EXTL3: variants seen among roughly 807,000 people sequenced by gnomAD.
EXTL3 encodes the protein exostosin-like 3.
A neutral mutation model predicts 69.3 loss-of-function variants in EXTL3; 27 were observed. The observed-to-expected ratio is 0.39, with a 90% confidence interval of 0.29 to 0.54. EXTL3 has a LOEUF of 0.54. Ranked by LOEUF, EXTL3 falls within the 20% of genes least tolerant of loss-of-function variation. The probability of loss-of-function intolerance (pLI) is 0.69; values close to 1 mark genes in which losing one functional copy is unlikely to be tolerated. For missense variants in EXTL3, 1,003 were observed against 1,231.8 expected (o/e 0.81, Z 2.78); for synonymous variants, 511 against 499.4 (o/e 1.02, Z -0.31).
chr8:28,717,941 A>G lies in EXTL3; in HGVS notation c.1882A>G (p.Lys628Glu). Reference sequence around the variant, plus strand: ...TGACCCTGTGTTGCCCTCAGAGGCCAAATTCTTGGGCTCAGGGACTGGCTT... The same window carrying G: ...TGACCCTGTGTTGCCCTCAGAGGCCGAATTCTTGGGCTCAGGGACTGGCTT... Reference protein sequence around the residue: ...PFDPVLPSEAKFLGSGTGFRP... With the variant: ...PFDPVLPSEAEFLGSGTGFRP... The change falls in exon 3 of 7, where the codon AAA becomes GAA. Residue 628 changes from lysine to glutamate, a missense_variant. Lys to Glu is a moderately conservative substitution (Grantham distance 56, BLOSUM62 1). This residue lies in a region of EXTL3 where 261 missense variants were observed against 416.4 expected (regional missense o/e 0.63). Transcript: ENST00000220562. The surrounding 1 kb of genome is among the most constrained non-coding windows in gnomAD (Gnocchi z 8.3). 6.2e-7 allele frequency: 1 copy of G among 1,614,188 alleles called. No homozygotes were observed. The highest frequency in any genetic ancestry group is 8.5e-7 in the Non-Finnish European group (1 of 1,180,028).
intron 1 of EXTL3, among the ~76,000 whole-genome samples, chr8:28,653,850 A>T (rs919551122): frequency 1.3e-5 from 2 of 152,016 alleles, no homozygotes; most frequent in East Asian, 1.9e-4. Flanking sequence ...CTTTTTCAAG[A>T]TTATTTTTGG....
At chr8:28,710,093 T>C (rs1360734327) in intron 1 of EXTL3, among the ~76,000 whole-genome samples, 4 of 152,024 alleles carry the variant, frequency 2.6e-5, no homozygotes, top group African/African-American at 7.3e-5. Context: ...GATAAATCTC[T>C]GTATACAACT....
chr8:28,628,402 G>A (rs186689452), intron 1 of EXTL3, among the ~76,000 whole-genome samples: 1 of 152,076 alleles, frequency 6.6e-6, no homozygotes, highest in Non-Finnish European at 1.5e-5. Context: ...GGGCAGGGTG[G>A]CTCACGCCTG....
At chr8:28,714,205 C>CT (rs1218639246) in intron 2 of EXTL3, among the ~76,000 whole-genome samples, 2 of 151,942 alleles carry the variant, frequency 1.3e-5, no homozygotes, top group East Asian at 1.9e-4. Context: ...CATGCCCAGC[C>CT]TAATATCCCC....
intron 1 of EXTL3, among the ~76,000 whole-genome samples, chr8:28,684,727 G>T (rs1265270487): frequency 3.3e-5 from 5 of 152,146 alleles, no homozygotes; most frequent in Non-Finnish European, 5.9e-5. Flanking sequence ...GGGCAACAGA[G>T]TGAGACCCTG....
chr8:28,726,868 G>GCTTTT (rs1436267833), intron 3 of EXTL3, among the ~76,000 whole-genome samples: 59 of 144,982 alleles, frequency 4.1e-4, no homozygotes, highest in Non-Finnish European at 5.2e-4. Flanking sequence ...ATCTTTAACA[G>GCTTTT]CTTTTCTTTT....
upstream of EXTL3, chr8:28,696,550 C>A (rs1376610793): frequency 6.6e-6 from 1 of 152,026 alleles, no homozygotes; most frequent in Non-Finnish European, 1.5e-5. Context: ...TGCATGCATA[C>A]ACTATACATA....
intron 1 of EXTL3, among the ~76,000 whole-genome samples, chr8:28,628,374 G>A (rs1585220731): frequency 6.6e-6 from 1 of 151,792 alleles, no homozygotes; most frequent in Middle Eastern, 3.4e-3. Flanking sequence ...AAAATAAAAA[G>A]AAATGGTTAA....
At chr8:28,709,495 C>T (rs1050637314) in intron 1 of EXTL3, among the ~76,000 whole-genome samples, 39 of 151,828 alleles carry the variant, frequency 2.6e-4, no homozygotes, top group African/African-American at 9.0e-4. Context: ...TTCCCTGTCG[C>T]GCCTCCTGTC....
intron 5 of EXTL3, chr8:28,740,782 G>T (rs1198935100): frequency 1.3e-5 from 2 of 152,098 alleles, no homozygotes; most frequent in East Asian, 3.9e-4. Context: ...ATTACTGATA[G>T]ATATTTTTTA....
At chr8:28,651,869 A>T (rs938601234) in intron 1 of EXTL3, among the ~76,000 whole-genome samples, 6 of 152,182 alleles carry the variant, frequency 3.9e-5, no homozygotes, top group African/African-American at 1.4e-4. Context: ...AACTACCATT[A>T]GACTTCTGTA....
chr8:28,658,595 A>G (rs553573575), intron 1 of EXTL3, among the ~76,000 whole-genome samples: 1 of 151,154 alleles, frequency 6.6e-6, no homozygotes, highest in African/African-American at 2.4e-5. Context: ...TTCCTCATGC[A>G]CTCTTTTTTT....
At chr8:28,688,060 C>CCT (rs1800553180) in intron 1 of EXTL3, among the ~76,000 whole-genome samples, 4 of 131,946 alleles carry the variant, frequency 3.0e-5, no homozygotes, top group Non-Finnish European at 6.5e-5. Flanking sequence ...GAAGAGATGA[C>CCT]TTTTTTTTTT....
At chr8:28,629,579 C>T (rs17059239) in intron 1 of EXTL3, among the ~76,000 whole-genome samples, 21,197 of 151,962 alleles carry the variant, frequency 0.14, 4,286 homozygotes, top group African/African-American at 0.45. Flanking sequence ...TTCATTGACT[C>T]CTGGATGGGG....
chr8:28,717,373 C>T lies in EXTL3; in HGVS notation c.1314C>T (p.Asp438=). ...STFALIITPG[D]PRLVISSGCA... ...TCGCCCTCATCATTACCCCCGGGGA[C>T]CCTCGCTTGGTTATTTCCTCTGGGT... The change falls in exon 3 of 7, where the codon GAC becomes GAT. Residue 438 remains aspartate (D), a synonymous_variant. Coordinates refer to ENST00000220562, the MANE Select transcript of EXTL3 (RefSeq NM_001440.4). This position sits in a 1 kb window ranked among gnomAD's most constrained non-coding sequence, Gnocchi z 8.3. 1 of 1,614,216 alleles carries T rather than the reference C, an allele frequency of 6.2e-7. No homozygotes were observed. Among genetic ancestry groups the T allele is most frequent in the African/African-American group, 1.3e-5 (1 of 75,060 alleles).
chr8:28,718,141 G>A lies in EXTL3; in HGVS notation c.2082G>A (p.Val694=). ...NGLPYLNKVV[V]VWNSPKLPSE... Reference sequence around the variant, plus strand: ...TCCCTTACCTGAACAAGGTCGTGGTGGTGTGGAATTCTCCCAAGCTGCCAT... The same window carrying A: ...TCCCTTACCTGAACAAGGTCGTGGTAGTGTGGAATTCTCCCAAGCTGCCAT... The change falls in exon 3 of 7, where the codon GTG becomes GTA. Residue 694 remains valine (V), a synonymous_variant. Transcript: ENST00000220562. 6.2e-7 allele frequency: 1 copy of A among 1,614,154 alleles called. No individual in the cohort carries two copies. The highest frequency in any genetic ancestry group is 1.7e-5 in the Admixed American group (1 of 60,030).
In EXTL3 at chr8:28,652,675, TTATATATAGCCATATATA is replaced by T. The variant is rs1203250593; in HGVS notation, c.-53+29879_-53+29896del. Among the ~76,000 whole-genome samples the T allele has an allele frequency of 1.6e-3, 237 of 145,030 alleles. 3 individuals carry two copies. The highest frequency in any genetic ancestry group is 5.3e-3 in the African/African-American group (217 of 40,582). On this transcript the variant is annotated intron_variant, in intron 1 of 6. Coordinates refer to the EXTL3 transcript ENST00000523149. ...TCTCAAAAAAAATATATAGATATAT[TTATATATAGCCATATATA>T]TATATATAGCCATCTTAGGTGTGAA...
chr8:28,716,361 A>G lies in EXTL3; in HGVS notation c.302A>G (p.Gln101Arg). 6.2e-7 allele frequency: 1 copy of G among 1,614,090 alleles called. No homozygotes were observed. The highest frequency in any genetic ancestry group is 1.7e-5 in the Admixed American group (1 of 60,026). The change falls in exon 3 of 7, where the codon CAA becomes CGA. Residue 101 changes from glutamine (Q) to arginine (R), a missense_variant. By Grantham distance (43) the Gln-to-Arg change is conservative. Around this residue, in one of 2 missense-constraint regions of EXTL3, gnomAD observed 742 missense variants for 815.4 expected, o/e 0.91. Transcript: ENST00000220562. This position sits in a 1 kb window ranked among gnomAD's most constrained non-coding sequence, Gnocchi z 7.1. The part of the protein sequence containing the change: ...EELLQLEAKR[Q>R]ELNSEIAKLN... The stretch of plus-strand genomic sequence containing the variant: ...CTCCTGCAGCTGGAGGCCAAGCGCC[A>G]AGAGCTGAACAGCGAGATCGCCAAG...
At chr8:28,643,952 A>T (rs1806787453) in intron 1 of EXTL3, among the ~76,000 whole-genome samples, 4 of 151,994 alleles carry the variant, frequency 2.6e-5, no homozygotes, top group Admixed American at 2.6e-4. Context: ...TTTTGTAGAG[A>T]TAGGGTCTCA....
Sources: allele counts gnomAD v4.1 joint callset (sites outside exome capture counted in the v4.1 genomes callset), GRCh38; gene constraint gnomAD v4.1.1; regional missense constraint gnomAD v4.1.1; non-coding constraint Gnocchi (gnomAD v3.1); transcripts MANE v1.5; gene names NCBI Gene and HGNC (gene_info 2026-07-23, HGNC 2026-07-21).